FGF13: variants seen among roughly 807,000 people sequenced by gnomAD.
The protein encoded by FGF13 is fibroblast growth factor homologous factor 2.
Under a neutral mutation model 19.5 loss-of-function variants are expected in FGF13, and 2 were observed. The observed-to-expected ratio is 0.10, with a 90% CI of 0.04 to 0.32. The LOEUF is 0.32. FGF13 is among the 10% of genes least tolerant of loss of function. The pLI, the probability that FGF13 is intolerant of heterozygous loss-of-function variation, is 1.00. For synonymous variants in FGF13, 72 were observed against 76.9 expected, an observed-to-expected ratio of 0.94 and a Z score of 0.33; for missense variants, 113 against 192.7, an observed-to-expected ratio of 0.59 and a Z score of 2.45.
intron 1 of FGF13, among the ~76,000 whole-genome samples, chrX:138,722,089 T>C (rs748638380): frequency 1.1e-3 from 117 of 111,180 alleles, no homozygotes; most frequent in Admixed American, 1.7e-3. Context: ...GAAAATAAAA[T>C]TGAAACACAA....
At chrX:139,035,318 A>G in intron 1 of FGF13, among the ~76,000 whole-genome samples, 1 of 111,127 alleles carries the variant, frequency 9.0e-6, no homozygotes, top group Non-Finnish European at 1.9e-5. Flanking sequence ...CTATTTTGTT[A>G]TAATAGTGAT....
intron 1 of FGF13, among the ~76,000 whole-genome samples, chrX:138,991,335 C>T (rs904968168): frequency 8.9e-6 from 1 of 112,153 alleles, no homozygotes; most frequent in African/African-American, 3.2e-5. Context: ...TGTTATTGCT[C>T]TCATATATTG....
chrX:138,832,560 C>T (rs1357590269), intron 3 of FGF13, among the ~76,000 whole-genome samples: 2 of 111,509 alleles, frequency 1.8e-5, no homozygotes, highest in Non-Finnish European at 3.8e-5. Flanking sequence ...TGCTGGATGT[C>T]GACCTTTGTC....
intron 3 of FGF13, among the ~76,000 whole-genome samples, chrX:138,791,970 C>T (rs1237722881): frequency 9.0e-6 from 1 of 111,683 alleles, no homozygotes; most frequent in Admixed American, 9.5e-5. Context: ...CTTCTAAATT[C>T]CTAAAATTTA....
intron 1 of FGF13, among the ~76,000 whole-genome samples, chrX:138,879,619 A>T (rs921355348): frequency 7.2e-5 from 8 of 111,507 alleles, no homozygotes; most frequent in Non-Finnish European, 1.3e-4. Flanking sequence ...TCAACCCGTC[A>T]TCTACATTAG....
At chrX:138,688,021 T>C (rs770976218) in intron 3 of FGF13, among the ~76,000 whole-genome samples, 1 of 108,042 alleles carries the variant, frequency 9.3e-6, no homozygotes, top group Non-Finnish European at 1.9e-5. Context: ...AGTGGCACGA[T>C]GTCAGCTCAC....
intron 3 of FGF13, among the ~76,000 whole-genome samples, chrX:138,641,348 G>T (rs1275489477): frequency 1.8e-5 from 2 of 110,909 alleles, no homozygotes; most frequent in African/African-American, 6.6e-5. Context: ...CTCTCTTCCA[G>T]TCACATTTTC....
chrX:138,715,548 A>C (rs1204725469), upstream of FGF13, among the ~76,000 whole-genome samples: 2 of 112,562 alleles, frequency 1.8e-5, no homozygotes, highest in African/African-American at 6.5e-5. Context: ...AAAAAATAAA[A>C]ATGAAAAGAT....
chrX:138,664,227 G>A (rs940225341), intron 3 of FGF13, among the ~76,000 whole-genome samples: 1 of 111,886 alleles, frequency 8.9e-6, no homozygotes, highest in East Asian at 2.8e-4. Context: ...AATGAAGCCT[G>A]AAAATTGCTA....
chrX:138,830,687 TTGTGTGTGTG>T (rs144759178), intron 3 of FGF13, among the ~76,000 whole-genome samples: 43 of 87,512 alleles, frequency 4.9e-4, no homozygotes, highest in Non-Finnish European at 6.2e-4. Flanking sequence ...AAAGGGGTGT[TTGTGTGTGTG>T]TGTGTGTGTG....
chrX:138,863,471 G>C (rs909486952), intron 2 of FGF13, among the ~76,000 whole-genome samples: 7 of 111,850 alleles, frequency 6.3e-5, no homozygotes, highest in African/African-American at 2.3e-4. Flanking sequence ...TAAGTAAAAA[G>C]CTAGATGATC....
intron 3 of FGF13, among the ~76,000 whole-genome samples, chrX:138,842,981 T>C (rs1379074242): frequency 8.9e-6 from 1 of 112,003 alleles, no homozygotes; most frequent in Non-Finnish European, 1.9e-5. Context: ...GATAATTTGG[T>C]GTAATTTTTA....
intron 1 of FGF13, among the ~76,000 whole-genome samples, chrX:138,989,155 C>T (rs763043002): frequency 9.0e-6 from 1 of 111,432 alleles, no homozygotes; most frequent in Non-Finnish European, 1.9e-5. Context: ...AAGAGAGAAA[C>T]GGCATGTGCA....
chrX:138,667,129 T>C (rs1416652246), intron 3 of FGF13, among the ~76,000 whole-genome samples: 4 of 107,763 alleles, frequency 3.7e-5, no homozygotes, highest in African/African-American at 1.0e-4. Context: ...TTAGGTTATA[T>C]ATGTATATTA....
chrX:138,727,248 A>T (rs755560236), intron 1 of FGF13, among the ~76,000 whole-genome samples: 9 of 109,803 alleles, frequency 8.2e-5, no homozygotes, highest in African/African-American at 3.0e-4. Flanking sequence ...CAACACCAAC[A>T]TTCTGTCTGG....
At chrX:138,869,532 A>C (rs923702123) in intron 1 of FGF13, among the ~76,000 whole-genome samples, 10 of 112,015 alleles carry the variant, frequency 8.9e-5, no homozygotes, top group Admixed American at 2.8e-4. Context: ...AGTTAGTCAC[A>C]AGCTGCACTC....
chrX:138,932,025 T>C (rs2091703929), intron 1 of FGF13, among the ~76,000 whole-genome samples: 1 of 105,019 alleles, frequency 9.5e-6, no homozygotes, highest in Non-Finnish European at 1.9e-5. Context: ...ATTTTAAAGG[T>C]CACTCCTCCA....
At chrX:139,036,151 G>T (rs1169980056) in intron 1 of FGF13, among the ~76,000 whole-genome samples, 1 of 111,791 alleles carries the variant, frequency 8.9e-6, no homozygotes, top group Non-Finnish European at 1.9e-5. Flanking sequence ...CAATGCAACA[G>T]AAACATCCCG....
intron 1 of FGF13, among the ~76,000 whole-genome samples, chrX:139,021,955 G>A (rs1172793787): frequency 8.9e-6 from 1 of 112,017 alleles, no homozygotes; most frequent in East Asian, 2.8e-4. Flanking sequence ...TATGTTAAGA[G>A]ACGTCAGTGA....
Sources: gnomAD v4.1 joint callset for allele counts (sites outside exome capture counted in the v4.1 genomes callset) on GRCh38, gnomAD v4.1.1 for gene constraint, MANE v1.5 for transcripts, NCBI Gene and HGNC (gene_info 2026-07-23, HGNC 2026-07-21) for gene names.